The following MCM9 variants were observed in gnomAD, a reference collection of about 807,000 sequenced individuals.
MCM9 encodes DNA helicase MCM9.
A neutral mutation model predicts 72.8 loss-of-function variants in MCM9; 55 were observed. The observed-to-expected ratio is 0.76, with a 90% CI of 0.61 to 0.95. The LOEUF (loss-of-function observed/expected upper bound fraction) is 0.95, where lower values mean the gene tolerates loss of function less well. Among genes scored for constraint, MCM9 ranks in the 40% least tolerant of loss-of-function variants. The probability of loss-of-function intolerance (pLI) is 0.00; values close to 1 mark genes in which losing one functional copy is unlikely to be tolerated. For synonymous variants in MCM9, 480 were observed against 503.4 expected (o/e 0.95, Z 0.62); for missense variants, 1,279 against 1,377.0 (o/e 0.93, Z 1.13).
intron 9 of MCM9, among the ~76,000 whole-genome samples, chr6:118,831,571 G>T (rs1304871509): frequency 6.6e-6 from 1 of 151,932 alleles, no homozygotes; most frequent in African/African-American, 2.4e-5. Flanking sequence ...TTTGAAAGTG[G>T]GGAAGACCAT....
chr6:118,881,787 TGAA>T (rs1778303401), intron 8 of MCM9, among the ~76,000 whole-genome samples: 2 of 152,170 alleles, frequency 1.3e-5, no homozygotes, highest in African/African-American at 4.8e-5. Context: ...ATACAGTAAA[TGAA>T]GAAACATTTA....
intron 13 of MCM9, among the ~76,000 whole-genome samples, chr6:118,823,790 T>C (rs576150619): frequency 3.6e-4 from 54 of 152,094 alleles, no homozygotes; most frequent in Middle Eastern, 6.8e-3. Flanking sequence ...ATAGAAAATA[T>C]AAGGAAATAC....
intron 8 of MCM9, chr6:118,905,699 C>G (rs1562432401): frequency 6.2e-7 from 1 of 1,613,370 alleles, no homozygotes; most frequent in Non-Finnish European, 8.5e-7. Context: ...ATGCAGTAGG[C>G]GTAACTGTTG....
intron 8 of MCM9, among the ~76,000 whole-genome samples, chr6:118,900,541 C>T (rs1210644919): frequency 1.3e-5 from 2 of 152,322 alleles, no homozygotes; most frequent in East Asian, 1.9e-4. Flanking sequence ...TTGTGAGGCA[C>T]TGTCCAGGAA....
intron 8 of MCM9, among the ~76,000 whole-genome samples, chr6:118,867,728 G>A (rs990447452): frequency 2.6e-5 from 4 of 151,988 alleles, no homozygotes; most frequent in Admixed American, 2.0e-4. Flanking sequence ...TACACTCAAT[G>A]ATGTTCATAC....
chr6:118,932,537 G>A (rs181046726), intron 2 of MCM9, 70 bp downstream of exon 2: 33 of 856,910 alleles, frequency 3.9e-5, no homozygotes, highest in Admixed American at 3.7e-4. Context: ...TCATTCTTTC[G>A]TGTGCTCTCT....
rs146397271 is a variant in MCM9, at chr6:118,893,222, T to C, written c.1150+18428A>G. Among the ~76,000 whole-genome samples the C allele has an allele frequency of 6.5e-3, 994 of 152,352 alleles. 7 individuals carry two copies. The highest frequency in any genetic ancestry group is 0.022 in the African/African-American group (925 of 41,586). On this transcript the variant is annotated intron_variant, in intron 8 of 13. Transcript: ENST00000619706. ...TTTCCTCAGTTCAGACCTCAACTGG[T>C]TACAGGCAAGCAAGGGCTCCTCAGA...
At chr6:118,851,370 A>G (rs1776215049) in intron 9 of MCM9, among the ~76,000 whole-genome samples, 1 of 151,824 alleles carries the variant, frequency 6.6e-6, no homozygotes, top group Non-Finnish European at 1.5e-5. Flanking sequence ...AAGAAAAAAG[A>G]AACCTTTTCA....
At chr6:118,911,846 G>A (rs1780578348) in intron 7 of MCM9, 77 bp from the exon 8 acceptor site, 1 of 1,089,612 alleles carries the variant, frequency 9.2e-7, no homozygotes, top group African/African-American at 1.6e-5. Flanking sequence ...ATATTACATA[G>A]TGTTTTTACT....
intron 9 of MCM9, among the ~76,000 whole-genome samples, chr6:118,849,728 C>T (rs1007475431): frequency 1.3e-5 from 2 of 151,860 alleles, no homozygotes; most frequent in Admixed American, 1.3e-4. Flanking sequence ...TTCTAAAACA[C>T]GATGATAATA....
intron 9 of MCM9, among the ~76,000 whole-genome samples, chr6:118,840,307 T>C (rs2114610373): frequency 6.6e-6 from 1 of 152,208 alleles, no homozygotes; most frequent in African/African-American, 2.4e-5. Flanking sequence ...GGAGGTGATT[T>C]GGTTTAATGA....
intron 8 of MCM9, chr6:118,907,632 A>G: frequency 6.3e-7 from 1 of 1,585,790 alleles, no homozygotes; most frequent in East Asian, 2.2e-5. Flanking sequence ...CCATCCCTTT[A>G]GTACAAATTA....
chr6:118,821,416 G>A (rs1403018814), intron 13 of MCM9, among the ~76,000 whole-genome samples: 1 of 152,146 alleles, frequency 6.6e-6, no homozygotes, highest in African/African-American at 2.4e-5. Flanking sequence ...ATTCTGGGTT[G>A]AAAATTCTTT....
intron 8 of MCM9, among the ~76,000 whole-genome samples, chr6:118,875,740 T>C (rs1777894255): frequency 6.6e-6 from 1 of 152,138 alleles, no homozygotes; most frequent in Non-Finnish European, 1.5e-5. Flanking sequence ...CACCAAGTGA[T>C]GGTGAGGATG....
chr6:118,844,016 A>G lies in MCM9; in HGVS notation c.1325+12355T>C, dbSNP rs140688550. 6.6e-3 allele frequency among the ~76,000 whole-genome samples: 997 copies of G among 151,690 alleles called. 23 individuals are homozygous for G. Among genetic ancestry groups the G allele is most frequent in the African/African-American group, 0.023 (929 of 41,040 alleles). On this transcript the variant is annotated intron_variant, in intron 9 of 13. Coordinates refer to ENST00000619706, the MANE Select transcript of MCM9 (RefSeq NM_017696.3). The stretch of plus-strand genomic sequence containing the variant: ...TATCTAGATGATGATGACTCAGTGA[A>G]GGATTCCTATTGTAGGTGGAGAAGT...
At chr6:118,911,338 A>T in intron 8 of MCM9, 2 of 1,064,702 alleles carry the variant, frequency 1.9e-6, no homozygotes, top group Non-Finnish European at 2.3e-6. Context: ...TTAGTTTAAC[A>T]TTCCAGTTGC....
intron 8 of MCM9, among the ~76,000 whole-genome samples, chr6:118,872,512 TGA>T (rs1363787418): frequency 6.6e-6 from 1 of 152,102 alleles, no homozygotes; most frequent in Non-Finnish European, 1.5e-5. Context: ...CTCAGGAGGC[TGA>T]GTCAGCAGGA....
At chr6:118,847,422 C>CAAAAAAAAAAAA (rs368957444) in intron 9 of MCM9, among the ~76,000 whole-genome samples, 7 of 113,834 alleles carry the variant, frequency 6.1e-5, no homozygotes, top group Non-Finnish European at 1.0e-4. Flanking sequence ...CATGAATCTT[C>CAAAAAAAAAAAA]AAAAAAAAAA....
At position 118,815,687 on chromosome 6, in the gene MCM9, G is replaced by C. The variant is rs1305321868; in HGVS notation, c.2569C>G (p.Gln857Glu). 1 of 1,548,814 alleles carries C rather than the reference G, an allele frequency of 6.5e-7. No individual in the cohort carries two copies. Among genetic ancestry groups the C allele is most frequent in the Non-Finnish European group, 8.7e-7 (1 of 1,146,718 alleles). The change falls in exon 14 of 14, where the codon CAG (glutamine) becomes GAG (glutamate). Residue 857 changes from glutamine (Q) to glutamate (E), a missense_variant. Gln to Glu is a conservative substitution (Grantham distance 29). Coordinates refer to ENST00000619706, the MANE Select transcript of MCM9 (RefSeq NM_017696.3). ...CTGGTGCTATTTCTGCACAACTTCT[G>C]GGCCCTCTCTTTGCACAGCTTCTGC... ...NLQKLCKERA[Q>E]KLCRNSTRVP...
Sources: gnomAD v4.1 joint callset for allele counts (sites outside exome capture counted in the v4.1 genomes callset) on GRCh38, gnomAD v4.1.1 for gene constraint, MANE v1.5 for transcripts, NCBI Gene and HGNC (gene_info 2026-07-23, HGNC 2026-07-21) for gene names.